Variants in SEMA6A observed in about 807,000 individuals in gnomAD.
SEMA6A encodes the protein semaphorin-6A.
Under a neutral mutation model 96.8 loss-of-function variants are expected in SEMA6A, and 25 were observed. The ratio of observed to expected loss-of-function variants is 0.26; its 90% CI spans 0.19 to 0.36. The LOEUF (loss-of-function observed/expected upper bound fraction) is 0.36, where lower values mean the gene tolerates loss of function less well. SEMA6A is among the 10% of genes least tolerant of loss of function. SEMA6A has a pLI of 1.00. For synonymous variants in SEMA6A, 612 were observed against 518.0 expected, an observed-to-expected ratio of 1.18 and a Z score of -2.46; for missense variants, 1,363 against 1,323.1, an observed-to-expected ratio of 1.03 and a Z score of -0.47.
intron 1 of SEMA6A, 149 bp from the exon 2 acceptor site, chr5:116,505,131 C>G (rs1758081972): frequency 9.2e-6 from 5 of 544,792 alleles, no homozygotes; most frequent in Non-Finnish European, 1.6e-5. Flanking sequence ...GTGTTTGGAA[C>G]TTGTACCCGT....
intron 1 of SEMA6A, among the ~76,000 whole-genome samples, chr5:116,530,918 T>C (rs1330112587): frequency 6.6e-6 from 1 of 152,212 alleles, no homozygotes; most frequent in Non-Finnish European, 1.5e-5. Flanking sequence ...TGATGTGTAA[T>C]GACTCACTTA....
At chr5:116,452,073 G>A (rs1231225219) in intron 18 of SEMA6A, among the ~76,000 whole-genome samples, 1 of 152,154 alleles carries the variant, frequency 6.6e-6, no homozygotes, top group Admixed American at 6.5e-5. Context: ...GGCAAGTAAA[G>A]GGCCCTTGGA....
intron 10 of SEMA6A, among the ~76,000 whole-genome samples, chr5:116,483,330 T>TG (rs1481577578): frequency 5.3e-5 from 8 of 152,348 alleles, no homozygotes; most frequent in South Asian, 4.1e-4. Flanking sequence ...AGTTTACATT[T>TG]GGACCCACAT....
chr5:116,450,249 G>C (rs935407064), intron 18 of SEMA6A, among the ~76,000 whole-genome samples: 7 of 151,984 alleles, frequency 4.6e-5, no homozygotes, highest in African/African-American at 1.7e-4. Flanking sequence ...CCAGTAATGG[G>C]GTGGGGGTGT....
intron 3 of SEMA6A, among the ~76,000 whole-genome samples, chr5:116,500,870 G>A (rs538945852): frequency 6.6e-6 from 1 of 152,124 alleles, no homozygotes; most frequent in Non-Finnish European, 1.5e-5. Flanking sequence ...GCTGGGCGTG[G>A]TGGCGGGCAC....
intron 16 of SEMA6A, among the ~76,000 whole-genome samples, chr5:116,475,191 T>C (rs1756388030): frequency 6.6e-6 from 1 of 152,180 alleles, no homozygotes; most frequent in Non-Finnish European, 1.5e-5. Flanking sequence ...CTTATTATTA[T>C]TTGGCGGAAA....
In SEMA6A at chr5:116,526,610, C is replaced by T. The variant is rs75115927; in HGVS notation, c.-38-21628G>A. 6.4e-4 allele frequency among the ~76,000 whole-genome samples: 97 copies of T among 152,224 alleles called. 2 individuals carry two copies. The East Asian group carries it at 0.014, about 22-fold the overall frequency. ...ACATACGTCGTATAAGAAAGAAAAA[C>T]GCTATAGATTTTAAGTTTTAACTTT... On this transcript the variant is annotated intron_variant, in intron 1 of 18. Coordinates refer to ENST00000343348, the MANE Select transcript of SEMA6A (RefSeq NM_020796.5).
intron 18 of SEMA6A, among the ~76,000 whole-genome samples, chr5:116,455,224 T>C (rs1030446162): frequency 5.3e-5 from 8 of 152,178 alleles, no homozygotes; most frequent in African/African-American, 1.2e-4. Context: ...AGAAATGGCA[T>C]TGCCAATGGG....
chr5:116,532,550 C>A (rs760814215), intron 1 of SEMA6A, among the ~76,000 whole-genome samples: 3 of 152,118 alleles, frequency 2.0e-5, no homozygotes, highest in Non-Finnish European at 4.4e-5. Flanking sequence ...ATCCCTCCCC[C>A]CCAGTCCTGA....
intron 10 of SEMA6A, among the ~76,000 whole-genome samples, chr5:116,484,468 G>T (rs1336651793): frequency 1.3e-5 from 2 of 151,958 alleles, no homozygotes; most frequent in Admixed American, 6.6e-5. Context: ...ACAACATAGG[G>T]TCTTGCCCTC....
chr5:116,526,506 C>T (rs985743514), intron 1 of SEMA6A, among the ~76,000 whole-genome samples: 1 of 152,194 alleles, frequency 6.6e-6, no homozygotes, highest in Middle Eastern at 3.2e-3. Flanking sequence ...ATCTAAAATA[C>T]AATCCCTGTC....
At chr5:116,503,147 G>A (rs567958018) in intron 2 of SEMA6A, among the ~76,000 whole-genome samples, 7 of 152,172 alleles carry the variant, frequency 4.6e-5, no homozygotes, top group African/African-American at 1.2e-4. Flanking sequence ...GAGCACTGGC[G>A]AGCCTCCAGA....
intron 1 of SEMA6A, among the ~76,000 whole-genome samples, chr5:116,506,690 G>T (rs1185414908): frequency 1.3e-5 from 2 of 151,790 alleles, no homozygotes; most frequent in Non-Finnish European, 2.9e-5. Context: ...GCGGGAGGGG[G>T]AGGGGGAGGG....
intron 1 of SEMA6A, among the ~76,000 whole-genome samples, chr5:116,506,428 G>A (rs944052706): frequency 1.3e-5 from 2 of 152,044 alleles, no homozygotes; most frequent in Non-Finnish European, 2.9e-5. Context: ...TGTTCATAAG[G>A]GTGAACCATT....
At chr5:116,566,644 T>C (rs1250354418) in intron 1 of SEMA6A, among the ~76,000 whole-genome samples, 1 of 152,240 alleles carries the variant, frequency 6.6e-6, no homozygotes, top group African/African-American at 2.4e-5. Context: ...ATAACATCAA[T>C]TTATTTCCCC....
intron 6 of SEMA6A, among the ~76,000 whole-genome samples, chr5:116,493,613 G>A (rs1174074953): frequency 2.0e-5 from 3 of 152,090 alleles, no homozygotes; most frequent in Non-Finnish European, 2.9e-5. Flanking sequence ...TCCTGGCCCT[G>A]TTGGTGCCCA....
At chr5:116,565,588 G>A (rs1026198758) in intron 1 of SEMA6A, among the ~76,000 whole-genome samples, 2 of 152,160 alleles carry the variant, frequency 1.3e-5, no homozygotes, top group Non-Finnish European at 2.9e-5. Context: ...AAACAATTTG[G>A]TTTCTATTTA....
intron 18 of SEMA6A, among the ~76,000 whole-genome samples, chr5:116,465,356 C>T (rs1755663655): frequency 6.6e-6 from 1 of 152,092 alleles, no homozygotes; most frequent in Admixed American, 6.5e-5. Context: ...CAATTTGGAG[C>T]AAAATGGAAA....
intron 7 of SEMA6A, among the ~76,000 whole-genome samples, chr5:116,491,332 G>A (rs762470961): frequency 1.3e-5 from 2 of 152,086 alleles, no homozygotes; most frequent in African/African-American, 2.4e-5. Context: ...GCTGCCTCCC[G>A]GATGACACTG....
Sources: gnomAD v4.1 joint callset for allele counts (sites outside exome capture counted in the v4.1 genomes callset) on GRCh38, gnomAD v4.1.1 for gene constraint, MANE v1.5 for transcripts, NCBI Gene and HGNC (gene_info 2026-07-23, HGNC 2026-07-21) for gene names.